The following FIG4 variants were observed in gnomAD, a reference collection of about 807,000 sequenced individuals.
FIG4 encodes the protein FIG4 phosphoinositide 5-phosphatase.
FIG4 carries 112 observed loss-of-function variants against 118.6 expected under a neutral mutation model. The ratio of observed to expected loss-of-function variants is 0.94; its 90% confidence interval spans 0.81 to 1.11. FIG4 has a LOEUF of 1.11. FIG4 is among the 50% of genes least tolerant of loss of function. The probability of loss-of-function intolerance (pLI) is 0.00; values close to 1 mark genes in which losing one functional copy is unlikely to be tolerated. For missense variants in FIG4, 969 were observed against 1,111.7 expected (o/e 0.87, Z 1.83); for synonymous variants, 369 against 381.2 (o/e 0.97, Z 0.37).
chr6:109,748,112 CTT>C (rs779843159), intron 10 of FIG4, among the ~76,000 whole-genome samples: 14 of 152,024 alleles, frequency 9.2e-5, no homozygotes, highest in Non-Finnish European at 1.8e-4. Flanking sequence ...AGGTTTAAGT[CTT>C]TTGTACGTGG....
chr6:109,763,749 A>G (rs899006977), intron 12 of FIG4, among the ~76,000 whole-genome samples, 188 bp from the exon 13 acceptor site: 1 of 152,182 alleles, frequency 6.6e-6, no homozygotes, highest in Non-Finnish European at 1.5e-5. Context: ...AGAGTGTGGT[A>G]AGCAGTCTGC....
chr6:109,797,069 G>T (rs1264069673), intron 22 of FIG4, among the ~76,000 whole-genome samples: 1 of 152,166 alleles, frequency 6.6e-6, no homozygotes, highest in African/African-American at 2.4e-5. Context: ...CTTTGGAGGT[G>T]GGTTTGGCAT....
intron 4 of FIG4, among the ~76,000 whole-genome samples, chr6:109,727,993 A>G (rs1248529118): frequency 6.6e-6 from 1 of 152,216 alleles, no homozygotes; most frequent in Admixed American, 6.5e-5. Context: ...GTACTTGTAC[A>G]CACATCCTCA....
At chr6:109,700,307 C>A (rs958099112) in intron 1 of FIG4, among the ~76,000 whole-genome samples, 70 of 152,202 alleles carry the variant, frequency 4.6e-4, no homozygotes, top group East Asian at 1.4e-3. Context: ...GTAGCCTGAA[C>A]AACAGATAAA....
At chr6:109,754,300 A>G (rs1776809943) in intron 10 of FIG4, among the ~76,000 whole-genome samples, 1 of 152,154 alleles carries the variant, frequency 6.6e-6, no homozygotes, top group South Asian at 2.1e-4. Flanking sequence ...CCACTTGATC[A>G]TGGTGGATAA....
chr6:109,822,065 T>TGA (rs1447097142), intron 22 of FIG4, among the ~76,000 whole-genome samples: 1 of 151,996 alleles, frequency 6.6e-6, no homozygotes, highest in East Asian at 1.9e-4. Context: ...AAAAGAAAGA[T>TGA]GAGAGCATCT....
chr6:109,816,413 A>G lies in FIG4; in HGVS notation c.2547-8675A>G, dbSNP rs1380855398. 2.0e-5 allele frequency among the ~76,000 whole-genome samples: 3 copies of G among 152,230 alleles called. No homozygotes were observed. The East Asian group carries it at 5.8e-4, about 29-fold the overall frequency. ...TGAGACTCACTGCCCAGAGGAGCCT[A>G]AGGAGACGTGATGACTAAATGAAAT... On this transcript the variant is annotated intron_variant, in intron 22 of 22. Coordinates refer to ENST00000230124, the MANE Select transcript of FIG4 (RefSeq NM_014845.6).
intron 17 of FIG4, chr6:109,785,710 A>T (rs191663048): frequency 2.3e-5 from 11 of 470,608 alleles, no homozygotes; most frequent in African/African-American, 1.8e-4. Context: ...GAATGCTCCA[A>T]TTGAGGACTC....
chr6:109,759,719 T>G (rs1777042066), intron 10 of FIG4, among the ~76,000 whole-genome samples: 1 of 152,254 alleles, frequency 6.6e-6, no homozygotes, highest in Non-Finnish European at 1.5e-5. Flanking sequence ...CCACCTCAAT[T>G]CATTCAACCA....
chr6:109,817,018 C>T (rs1778879873), intron 22 of FIG4, among the ~76,000 whole-genome samples: 1 of 152,144 alleles, frequency 6.6e-6, no homozygotes, highest in Admixed American at 6.6e-5. Context: ...TCCAAAAGGT[C>T]GCCGTATAAA....
chr6:109,795,925 C>A (rs986890130), intron 21 of FIG4, among the ~76,000 whole-genome samples: 3 of 152,100 alleles, frequency 2.0e-5, no homozygotes, highest in South Asian at 2.1e-4. Flanking sequence ...TCAGACCTGC[C>A]CTGTAACCTC....
chr6:109,813,870 A>C (rs778200465), intron 22 of FIG4, among the ~76,000 whole-genome samples: 30 of 152,172 alleles, frequency 2.0e-4, no homozygotes, highest in Non-Finnish European at 3.1e-4. Context: ...CCTGTCAACC[A>C]AGTGAGTAAA....
intron 18 of FIG4, among the ~76,000 whole-genome samples, chr6:109,788,230 T>C (rs1382082188): frequency 6.6e-6 from 1 of 152,174 alleles, no homozygotes; most frequent in Non-Finnish European, 1.5e-5. Flanking sequence ...ATATTGTTGA[T>C]TTATTAACAT....
At position 109,735,381 on chromosome 6, in the gene FIG4, A is replaced by G. The variant is rs922626369; in HGVS notation, c.646+83A>G. 53 of 1,296,720 alleles carry G rather than the reference A, an allele frequency of 4.1e-5. No homozygotes were observed. The Admixed American group carries it at 7.3e-4, about 18-fold the overall frequency. 80.3% of individuals were successfully genotyped at this position (1,296,720 alleles called of 1,614,324 possible). A position where few individuals can be genotyped will look rare whatever the true frequency, so the allele number is the denominator to read the frequency against. On this transcript the variant is annotated intron_variant, in intron 6 of 22. Transcript: ENST00000230124. ...TATTAAATTCACTCACATTTCCCTC[A>G]TATTTGTCCATCCCTCTTTGCTGTT...
At chr6:109,730,387 G>C (rs1775960450) in intron 4 of FIG4, among the ~76,000 whole-genome samples, 1 of 152,138 alleles carries the variant, frequency 6.6e-6, no homozygotes, top group African/African-American at 2.4e-5. Context: ...CAGATTCCAA[G>C]AGGATGTTTT....
At chr6:109,760,144 A>G in intron 10 of FIG4, 106 bp from the exon 11 acceptor site, 1 of 881,078 alleles carries the variant, frequency 1.1e-6, no homozygotes, top group Admixed American at 2.0e-5. Flanking sequence ...AGTATATTTA[A>G]GACTTGGATT....
chr6:109,703,365 A>G (rs1234675103), intron 1 of FIG4, among the ~76,000 whole-genome samples: 1 of 151,804 alleles, frequency 6.6e-6, no homozygotes, highest in African/African-American at 2.4e-5. Flanking sequence ...TCTTCTTCTG[A>G]CACTACAGAG....
intron 1 of FIG4, among the ~76,000 whole-genome samples, chr6:109,703,869 C>T (rs962297391): frequency 2.6e-5 from 4 of 152,202 alleles, no homozygotes; most frequent in Non-Finnish European, 5.9e-5. Context: ...CATTCACCAG[C>T]CATTCCTCCC....
At chr6:109,779,517 A>C (rs965078468) in intron 16 of FIG4, among the ~76,000 whole-genome samples, 3 of 152,216 alleles carry the variant, frequency 2.0e-5, no homozygotes, top group African/African-American at 2.4e-5. Flanking sequence ...CTGAAAATAA[A>C]ATTGTATCTA....
Sources: gnomAD v4.1 joint callset for allele counts (sites outside exome capture counted in the v4.1 genomes callset) on GRCh38, gnomAD v4.1.1 for gene constraint, MANE v1.5 for transcripts, NCBI Gene and HGNC (gene_info 2026-07-23, HGNC 2026-07-21) for gene names.